Variants in CEP162 observed in about 807,000 individuals in gnomAD.
CEP162 encodes centrosomal protein of 162 kDa.
In CEP162, 141 loss-of-function variants were observed where a neutral mutation model predicts 169.2. The ratio of observed to expected loss-of-function variants is 0.83; its 90% CI spans 0.73 to 0.96. The LOEUF (loss-of-function observed/expected upper bound fraction) is 0.96. Ranked by LOEUF, CEP162 falls within the 40% of genes least tolerant of loss-of-function variation. The pLI is 0.00. For missense variants in CEP162, 1,600 were observed against 1,587.2 expected (o/e 1.01, Z -0.14); for synonymous variants, 540 against 526.4 (o/e 1.03, Z -0.35).
intron 23 of CEP162, among the ~76,000 whole-genome samples, chr6:84,152,233 C>T (rs546330188): frequency 6.6e-6 from 1 of 152,236 alleles, no homozygotes. Flanking sequence ...TATGACATTC[C>T]TTTGCTAGAA....
intron 2 of CEP162, among the ~76,000 whole-genome samples, chr6:84,221,620 A>T (rs2099553752): frequency 1.3e-5 from 2 of 151,878 alleles, no homozygotes; most frequent in African/African-American, 2.4e-5. Context: ...AAAAATCAGC[A>T]TTTTTTTTCA....
At chr6:84,213,833 G>A (rs1012012751) in intron 5 of CEP162, among the ~76,000 whole-genome samples, 3 of 152,164 alleles carry the variant, frequency 2.0e-5, no homozygotes, top group South Asian at 2.1e-4. Context: ...TATTGACAAC[G>A]TTGGGAGAGG....
At chr6:84,173,521 C>T (rs575321504) in intron 16 of CEP162, among the ~76,000 whole-genome samples, 1 of 152,232 alleles carries the variant, frequency 6.6e-6, no homozygotes, top group African/African-American at 2.4e-5. Flanking sequence ...AGGCACACAG[C>T]AGGTGGTAGA....
chr6:84,222,042 T>A (rs553067503), intron 2 of CEP162, among the ~76,000 whole-genome samples: 1 of 151,864 alleles, frequency 6.6e-6, no homozygotes, highest in East Asian at 1.9e-4. Flanking sequence ...ATGAGCATTC[T>A]ACTCAACTTT....
chr6:84,160,964 G>C, intron 20 of CEP162, 48 bp from the exon 21 acceptor site: 1 of 1,281,150 alleles, frequency 7.8e-7, no homozygotes, highest in Non-Finnish European at 1.1e-6. Flanking sequence ...AAACATAACA[G>C]AAAAGCTCCA....
chr6:84,213,462 G>A (rs1399737568), intron 5 of CEP162, among the ~76,000 whole-genome samples: 1 of 152,186 alleles, frequency 6.6e-6, no homozygotes, highest in African/African-American at 2.4e-5. Flanking sequence ...TGAAACAGAA[G>A]CTGAATAGGA....
intron 26 of CEP162, 40 bp downstream of exon 26, chr6:84,126,332 TTAAAAG>T: frequency 1.4e-6 from 2 of 1,406,838 alleles, no homozygotes; most frequent in Non-Finnish European, 1.9e-6. Context: ...TTAAAGGCAC[TTAAAAG>T]TAAAGACCTA....
At chr6:84,132,829 T>C (rs2099512182) in intron 25 of CEP162, among the ~76,000 whole-genome samples, 1 of 152,146 alleles carries the variant, frequency 6.6e-6, no homozygotes, top group Non-Finnish European at 1.5e-5. Flanking sequence ...TTACTGATCT[T>C]CTGAGGCCTA....
At chr6:84,157,645 T>G (rs183235482) in intron 21 of CEP162, among the ~76,000 whole-genome samples, 6 of 152,052 alleles carry the variant, frequency 3.9e-5, no homozygotes, top group Non-Finnish European at 5.9e-5. Flanking sequence ...CCAGCCTGAG[T>G]GACAGGGTGA....
rs1262539135 is a variant in CEP162, at chr6:84,185,256, T to C, written c.1594A>G (p.Thr532Ala). 1 of 1,613,588 alleles carries C rather than the reference T, an allele frequency of 6.2e-7. No homozygotes were observed. Among genetic ancestry groups the C allele is most frequent in the East Asian group, 2.2e-5 (1 of 44,868 alleles). ...LKMFSTLEKK[T>A]SEDIIKSKNL... ...TTGCTTTTTATAATGTCCTCTGAAG[T>C]TTTCTTTTCAAGAGTAGAAAACATC... is the stretch of plus-strand genomic sequence containing the variant. The change falls in exon 13 of 27, where the codon ACT becomes GCT. Residue 532 changes from threonine (T) to alanine (A), a missense_variant. By Grantham distance (58) the Thr-to-Ala change is moderately conservative. Transcript: ENST00000403245.
intron 18 of CEP162, among the ~76,000 whole-genome samples, chr6:84,167,315 C>T (rs2099528206): frequency 6.6e-6 from 1 of 152,162 alleles, no homozygotes; most frequent in Non-Finnish European, 1.5e-5. Flanking sequence ...ATTCTACTTT[C>T]TTAATTTCCA....
At chr6:84,173,500 A>G (rs556640795) in intron 16 of CEP162, among the ~76,000 whole-genome samples, 39 of 152,250 alleles carry the variant, frequency 2.6e-4, no homozygotes, top group African/African-American at 9.1e-4. Context: ...AGAAAGATTA[A>G]GTGATGCCCA....
rs1023058431 is a variant in CEP162 at position 84,219,299 on chromosome 6, G to A, written c.172+1758C>T. 5.4e-5 allele frequency: 24 copies of A among 446,622 alleles called. 2 individuals are homozygous for A. The highest frequency in any genetic ancestry group is 2.3e-4 in the East Asian group (3 of 12,826). 27.7% of individuals were successfully genotyped at this position (446,622 alleles called of 1,614,324 possible). A position where few individuals can be genotyped will look rare whatever the true frequency, so the allele number is the denominator to read the frequency against. ...ATTCCCGTGGGCAGGGAAACCTCCC[G>A]CTGTTTAAGCTGACATTGTCAAAGT... On this transcript the variant is annotated intron_variant, in intron 3 of 26. Transcript: ENST00000403245.
At position 84,131,822 on chromosome 6, in the gene CEP162, GAGCATTT is replaced by G. The variant is rs539316435; in HGVS notation, c.3871-5317_3871-5311del. The stretch of plus-strand genomic sequence containing the variant: ...TTTGCCAGTCTGTGTCTTTTAATTG[GAGCATTT>G]AGCCTATTTACATTTAAGGTTAATA... On this transcript the variant is annotated intron_variant, in intron 25 of 26. Coordinates refer to ENST00000403245, the MANE Select transcript of CEP162 (RefSeq NM_014895.4). 5.8e-3 allele frequency among the ~76,000 whole-genome samples: 877 copies of G among 152,168 alleles called. 12 individuals are homozygous for G. Among genetic ancestry groups the G allele is most frequent in the African/African-American group, 0.02 (813 of 41,498 alleles).
At chr6:84,184,192 C>A (rs1038156728) in intron 13 of CEP162, among the ~76,000 whole-genome samples, 1 of 152,138 alleles carries the variant, frequency 6.6e-6, no homozygotes, top group Non-Finnish European at 1.5e-5. Context: ...CCCTCACTCT[C>A]GTACATTGTC....
intron 21 of CEP162, among the ~76,000 whole-genome samples, chr6:84,159,104 T>G (rs1209341209): frequency 6.6e-6 from 1 of 151,732 alleles, no homozygotes; most frequent in Non-Finnish European, 1.5e-5. Flanking sequence ...ATAATTATTC[T>G]GAATATATTG....
At chr6:84,168,860 T>C (rs892675668) in intron 18 of CEP162, among the ~76,000 whole-genome samples, 3 of 152,208 alleles carry the variant, frequency 2.0e-5, no homozygotes, top group African/African-American at 7.2e-5. Flanking sequence ...ATATAAATAC[T>C]TGTAAGATAC....
chr6:84,178,059 T>C (rs546092602), intron 13 of CEP162, among the ~76,000 whole-genome samples: 3 of 152,192 alleles, frequency 2.0e-5, no homozygotes, highest in Admixed American at 6.5e-5. Context: ...CTAGGAAAAG[T>C]CAGTATGTGA....
At chr6:84,188,980 T>G (rs571768169) in intron 11 of CEP162, among the ~76,000 whole-genome samples, 35 of 152,274 alleles carry the variant, frequency 2.3e-4, no homozygotes, top group Middle Eastern at 3.4e-3. Flanking sequence ...CTCTAATGAT[T>G]AGTGATGTTG....
Sources: allele counts gnomAD v4.1 joint callset (sites outside exome capture counted in the v4.1 genomes callset), GRCh38; gene constraint gnomAD v4.1.1; transcripts MANE v1.5; gene names NCBI Gene and HGNC (gene_info 2026-07-23, HGNC 2026-07-21).